VDAC1: variants seen among roughly 807,000 people sequenced by gnomAD.
The protein encoded by VDAC1 is non-selective voltage-gated ion channel VDAC1.
VDAC1 carries 10 observed loss-of-function variants against 34.7 expected under a neutral mutation model. The ratio of observed to expected loss-of-function variants is 0.29; its 90% CI spans 0.18 to 0.49. The LOEUF (loss-of-function observed/expected upper bound fraction) is 0.49, where lower values mean the gene tolerates loss of function less well. Among genes scored for constraint, VDAC1 ranks in the 20% least tolerant of loss-of-function variants. The probability of loss-of-function intolerance (pLI) is 0.99; values close to 1 mark genes in which losing one functional copy is unlikely to be tolerated. For missense variants in VDAC1, 230 were observed against 347.9 expected, an observed-to-expected ratio of 0.66 and a Z score of 2.69; for synonymous variants, 130 against 136.0, an observed-to-expected ratio of 0.96 and a Z score of 0.30.
At chr5:134,046,160 G>A in the VDAC1 span, among the ~76,000 whole-genome samples, 2 of 151,142 alleles carry the variant, frequency 1.3e-5, no homozygotes, top group Admixed American at 1.3e-4. Flanking sequence ...CAAGCAGCTG[G>A]GACTACAGGC....
the VDAC1 span, among the ~76,000 whole-genome samples, chr5:134,092,712 G>GT: frequency 6.6e-6 from 1 of 152,004 alleles, no homozygotes; most frequent in East Asian, 1.9e-4. Context: ...GTTTCCTTGG[G>GT]TGACCTCTGA....
chr5:134,083,185 T>C, the VDAC1 span, among the ~76,000 whole-genome samples: 337 of 147,274 alleles, frequency 2.3e-3, 3 homozygotes, highest in African/African-American at 8.1e-3. Flanking sequence ...TTTTTCTTTT[T>C]TTTTCTTTTT....
At chr5:134,010,833 T>C in the VDAC1 span, among the ~76,000 whole-genome samples, 1 of 152,138 alleles carries the variant, frequency 6.6e-6, no homozygotes, top group Non-Finnish European at 1.5e-5. Context: ...TAGGATTGCA[T>C]ACAAAAAGCT....
At chr5:134,058,711 A>G in the VDAC1 span, among the ~76,000 whole-genome samples, 1 of 151,826 alleles carries the variant, frequency 6.6e-6, no homozygotes, top group Non-Finnish European at 1.5e-5. Context: ...TCAGGGCCAG[A>G]TAGGGAACAG....
the VDAC1 span, among the ~76,000 whole-genome samples, chr5:134,099,225 CA>C: frequency 6.6e-6 from 1 of 152,050 alleles, no homozygotes; most frequent in African/African-American, 2.4e-5. Flanking sequence ...TTTAGGCCAT[CA>C]AAAAAAGCCA....
chr5:134,010,242 C>G, the VDAC1 span, among the ~76,000 whole-genome samples: 1 of 152,084 alleles, frequency 6.6e-6, no homozygotes, highest in Non-Finnish European at 1.5e-5. Context: ...CGGAACACAA[C>G]CTGGTTTCCA....
At chr5:134,108,963 T>A in the VDAC1 span, among the ~76,000 whole-genome samples, 1 of 152,182 alleles carries the variant, frequency 6.6e-6, no homozygotes, top group East Asian at 1.9e-4. Context: ...CTAACTGCCA[T>A]GTTGTGTGCC....
chr5:134,040,671 G>A, the VDAC1 span, among the ~76,000 whole-genome samples: 1 of 152,204 alleles, frequency 6.6e-6, no homozygotes, highest in Non-Finnish European at 1.5e-5. Flanking sequence ...AGGTTGCGGT[G>A]AGCCAATATC....
At chr5:133,979,983 T>C (rs1752631114) in intron 6 of VDAC1, among the ~76,000 whole-genome samples, 1 of 152,220 alleles carries the variant, frequency 6.6e-6, no homozygotes, top group Admixed American at 6.5e-5. Context: ...AATGGAAATA[T>C]TAGTTTACAC....
chr5:134,110,317 G>A, the VDAC1 span, among the ~76,000 whole-genome samples: 25 of 152,316 alleles, frequency 1.6e-4, no homozygotes, highest in East Asian at 4.6e-3. Flanking sequence ...CAGGAGGGGA[G>A]AACCCACAGA....
the VDAC1 span, among the ~76,000 whole-genome samples, chr5:134,018,884 T>G: frequency 6.6e-6 from 1 of 152,044 alleles, no homozygotes; most frequent in Non-Finnish European, 1.5e-5. Context: ...AAGTCTAGGG[T>G]GAATTTTCCT....
At chr5:134,114,107 A>G in the VDAC1 span, among the ~76,000 whole-genome samples, 2 of 152,206 alleles carry the variant, frequency 1.3e-5, no homozygotes, top group African/African-American at 4.8e-5. Flanking sequence ...CAGGAGCTCA[A>G]TAAATGTGCG....
the VDAC1 span, among the ~76,000 whole-genome samples, chr5:134,037,812 C>CA: frequency 2.0e-5 from 3 of 151,846 alleles, no homozygotes; most frequent in Non-Finnish European, 4.4e-5. Flanking sequence ...TCTCTCACTG[C>CA]AAAAAAAGCC....
intron 6 of VDAC1, among the ~76,000 whole-genome samples, chr5:133,978,566 G>A (rs1752566653): frequency 1.3e-5 from 2 of 152,182 alleles, no homozygotes; most frequent in South Asian, 4.1e-4. Flanking sequence ...CAATAAAACA[G>A]CAGCCTGTCA....
the VDAC1 span, among the ~76,000 whole-genome samples, chr5:134,067,101 C>T: frequency 1.6e-4 from 22 of 140,196 alleles, no homozygotes; most frequent in African/African-American, 5.3e-4. Flanking sequence ...TTTTTTGAGA[C>T]GGAGTTTGTT....
intron 3 of VDAC1, among the ~76,000 whole-genome samples, chr5:133,991,583 G>A (rs1753106509): frequency 6.6e-6 from 1 of 152,158 alleles, no homozygotes; most frequent in Non-Finnish European, 1.5e-5. Flanking sequence ...TTGAATGCAG[G>A]TGAATTTGAA....
the VDAC1 span, among the ~76,000 whole-genome samples, chr5:134,114,197 G>T: frequency 6.6e-6 from 1 of 152,196 alleles, no homozygotes; most frequent in African/African-American, 2.4e-5. Flanking sequence ...TGGAGGATGG[G>T]GCAAGAGCCG....
chr5:134,037,898 C>G, the VDAC1 span, among the ~76,000 whole-genome samples: 1 of 152,122 alleles, frequency 6.6e-6, no homozygotes, highest in Admixed American at 6.5e-5. Flanking sequence ...GATCATTGTA[C>G]TACAGTTATA....
the VDAC1 span, among the ~76,000 whole-genome samples, chr5:134,035,457 A>C: frequency 1.3e-5 from 2 of 152,226 alleles, no homozygotes. Context: ...CATTTTGCCC[A>C]GACTGGTCTT....
Sources: gnomAD v4.1 joint callset for allele counts (sites outside exome capture counted in the v4.1 genomes callset) on GRCh38, gnomAD v4.1.1 for gene constraint, MANE v1.5 for transcripts, NCBI Gene and HGNC (gene_info 2026-07-23, HGNC 2026-07-21) for gene names.